Variants in SORCS2 observed in about 807,000 individuals in gnomAD.
SORCS2 encodes sortilin related VPS10 domain containing receptor 2, also known as VPS10 domain-containing receptor SorCS2.
A neutral mutation model predicts 141.6 loss-of-function variants in SORCS2; 100 were observed. The observed-to-expected ratio is 0.71, with a 90% CI of 0.60 to 0.83. SORCS2 has a LOEUF of 0.83. SORCS2 is among the 40% of genes least tolerant of loss of function. SORCS2 has a pLI of 0.00. For missense variants in SORCS2, 1,646 were observed against 1,560.2 expected (o/e 1.05, Z -0.93); for synonymous variants, 789 against 676.9 (o/e 1.17, Z -2.57).
At chr4:7,457,280 G>C (rs1728975502) in intron 2 of SORCS2, among the ~76,000 whole-genome samples, 1 of 152,198 alleles carries the variant, frequency 6.6e-6, no homozygotes, top group African/African-American at 2.4e-5. Context: ...TGCTGGGTGA[G>C]GTGACTTTAT....
At chr4:7,737,197 T>G (rs1233907643) in intron 26 of SORCS2, 25 bp downstream of exon 26, 5 of 1,550,360 alleles carry the variant, frequency 3.2e-6, no homozygotes, top group Non-Finnish European at 4.4e-6. Flanking sequence ...GATGATGATC[T>G]CGACTCGCAG....
intron 20 of SORCS2, among the ~76,000 whole-genome samples, chr4:7,725,563 G>T (rs1727159872): frequency 6.6e-6 from 1 of 152,198 alleles, no homozygotes. Flanking sequence ...GTTGGGGGTG[G>T]TAGAAGTCAC....
intron 2 of SORCS2, among the ~76,000 whole-genome samples, chr4:7,525,865 T>TCCTCAGTCACCTGTCCCCA: frequency 7.8e-6 from 1 of 128,602 alleles, no homozygotes; most frequent in African/African-American, 3.2e-5. Flanking sequence ...ACCTGTCCCC[T>TCCTCAGTCACCTGTCCCCA]CCTCAGTCAC....
chr4:7,418,712 C>A (rs111717219), intron 2 of SORCS2, among the ~76,000 whole-genome samples: 275 of 145,788 alleles, frequency 1.9e-3, no homozygotes, highest in Middle Eastern at 6.9e-3. Context: ...ACCCCCCCCC[C>A]CACCAGATTT....
Position 7,714,355 on chromosome 4 carries a change from G to A in SORCS2, c.2105G>A (p.Arg702Gln), listed in dbSNP as rs746905423. 75 of 1,556,416 alleles carry A rather than the reference G, an allele frequency of 4.8e-5. No individual in the cohort carries two copies. The highest frequency in any genetic ancestry group is 1.9e-4 in the East Asian group (8 of 41,240). ...SALTSRVCEC[R>Q]DSDFLCDYGF... Reference sequence around the variant, plus strand: ...CTCACGTCCCGCGTGTGCGAGTGCCGGGACTCGGACTTCCTGTGGTGAGCG... The same window carrying A: ...CTCACGTCCCGCGTGTGCGAGTGCCAGGACTCGGACTTCCTGTGGTGAGCG... The change falls in exon 16 of 27, where the codon CGG (arginine) becomes CAG (glutamine). Residue 702 changes from arginine (R) to glutamine (Q), a missense_variant. Physicochemically the swap from Arg to Gln is conservative, Grantham distance 43. Transcript: ENST00000507866.
At chr4:7,378,375 A>G (rs1722784316) in intron 1 of SORCS2, among the ~76,000 whole-genome samples, 1 of 150,742 alleles carries the variant, frequency 6.6e-6, no homozygotes, top group Non-Finnish European at 1.5e-5. Flanking sequence ...ATTTATAAAG[A>G]AAAGAGGGAT....
At chr4:7,490,120 G>C (rs771395356) in intron 2 of SORCS2, among the ~76,000 whole-genome samples, 1 of 152,168 alleles carries the variant, frequency 6.6e-6, no homozygotes, top group Non-Finnish European at 1.5e-5. Flanking sequence ...CTGGCTGGCT[G>C]GGGAGGGGTG....
chr4:7,572,307 T>C (rs770427041), intron 3 of SORCS2, among the ~76,000 whole-genome samples: 4 of 152,240 alleles, frequency 2.6e-5, no homozygotes, highest in Non-Finnish European at 5.9e-5. Flanking sequence ...ATATATATGA[T>C]ATTAACATAC....
intron 8 of SORCS2, among the ~76,000 whole-genome samples, chr4:7,669,018 C>T (rs1003046596): frequency 2.6e-5 from 4 of 152,186 alleles, no homozygotes; most frequent in East Asian, 1.9e-4. Flanking sequence ...TGACCTTGAG[C>T]GATGGCTCCC....
intron 3 of SORCS2, among the ~76,000 whole-genome samples, chr4:7,599,152 T>A (rs1036776027): frequency 1.3e-5 from 2 of 151,766 alleles, no homozygotes; most frequent in African/African-American, 4.8e-5. Context: ...ATGGCCGCCC[T>A]GCAAGACGGC....
At chr4:7,322,143 C>G (rs1161954707) in intron 1 of SORCS2, among the ~76,000 whole-genome samples, 1 of 152,164 alleles carries the variant, frequency 6.6e-6, no homozygotes, top group Non-Finnish European at 1.5e-5. Flanking sequence ...CCAGATGCTG[C>G]TTGACCAGAG....
At chr4:7,210,232 C>T (rs890663054) in intron 1 of SORCS2, among the ~76,000 whole-genome samples, 1 of 152,158 alleles carries the variant, frequency 6.6e-6, no homozygotes, top group African/African-American at 2.4e-5. Context: ...CGCCCACCCA[C>T]TCACTTCCTC....
intron 2 of SORCS2, among the ~76,000 whole-genome samples, chr4:7,524,069 A>C (rs1249051393): frequency 1.3e-5 from 2 of 152,232 alleles, no homozygotes; most frequent in Non-Finnish European, 2.9e-5. Context: ...GTAGAATAGA[A>C]GCTCAGTCAG....
In SORCS2 at chr4:7,591,980, C is replaced by G. The variant is rs1034659198; in HGVS notation, c.649-46348C>G. Among the ~76,000 whole-genome samples the G allele has an allele frequency of 9.2e-5, 14 of 152,226 alleles. No individual in the cohort carries two copies. The South Asian group carries it at 2.7e-3, about 29-fold the overall frequency. On this transcript the variant is annotated intron_variant, in intron 3 of 26. Coordinates refer to ENST00000507866, the MANE Select transcript of SORCS2 (RefSeq NM_020777.3). ...TCAGCCGACCAACAGAAAATCCCAG[C>G]AGGTTGCAGATGAGAAAAAAAAAAT... is the stretch of plus-strand genomic sequence containing the variant.
At chr4:7,471,219 G>A (rs202170904) in intron 2 of SORCS2, among the ~76,000 whole-genome samples, 27 of 152,164 alleles carry the variant, frequency 1.8e-4, no homozygotes, top group Non-Finnish European at 3.2e-4. Flanking sequence ...CGCCGGCCCC[G>A]CTTCCCCGCT....
At chr4:7,227,052 C>T (rs1170205201) in intron 1 of SORCS2, among the ~76,000 whole-genome samples, 1 of 151,820 alleles carries the variant, frequency 6.6e-6, no homozygotes, top group Non-Finnish European at 1.5e-5. Flanking sequence ...CTCTTATGCA[C>T]CTGTGGGTAC....
At chr4:7,662,995 CGAGTGAGTGGAT>C (rs963942347) in intron 6 of SORCS2, among the ~76,000 whole-genome samples, 7 of 145,938 alleles carry the variant, frequency 4.8e-5, no homozygotes, top group Middle Eastern at 4.2e-3. Context: ...AGTGAGTGAG[CGAGTGAGTGGAT>C]GAGTGAGTGG....
intron 2 of SORCS2, among the ~76,000 whole-genome samples, chr4:7,469,905 A>G (rs552367786): frequency 2.6e-5 from 4 of 152,316 alleles, no homozygotes; most frequent in Middle Eastern, 3.4e-3. Context: ...GTTTGTCATC[A>G]GAGACAGGAA....
intron 2 of SORCS2, among the ~76,000 whole-genome samples, chr4:7,403,997 A>ATATATTTT (rs1265288820): frequency 5.3e-5 from 1 of 19,004 alleles, no homozygotes. Context: ...ATATATATAT[A>ATATATTTT]TTTTTTTTTT....
Sources: gnomAD v4.1 joint callset for allele counts (sites outside exome capture counted in the v4.1 genomes callset) on GRCh38, gnomAD v4.1.1 for gene constraint, MANE v1.5 for transcripts, NCBI Gene and HGNC (gene_info 2026-07-23, HGNC 2026-07-21) for gene names.